Variants in FAM168A observed in about 807,000 individuals in gnomAD.
The protein encoded by FAM168A is protein FAM168A.
FAM168A carries 3 observed loss-of-function variants against 28.5 expected under a neutral mutation model. The ratio of observed to expected loss-of-function variants is 0.11; its 90% CI spans 0.05 to 0.27. The LOEUF (loss-of-function observed/expected upper bound fraction) is 0.27. Among genes scored for constraint, FAM168A ranks in the 10% least tolerant of loss-of-function variants. The pLI is 1.00. For missense variants in FAM168A, 222 were observed against 311.5 expected (o/e 0.71, Z 2.16); for synonymous variants, 122 against 124.2 (o/e 0.98, Z 0.12).
rs982045815 is a variant in FAM168A at position 73,406,038 on chromosome 11, G to C, written c.*725C>G. 9.8e-5 allele frequency: 15 copies of C among 152,614 alleles called. No homozygotes were observed. The highest frequency in any genetic ancestry group is 3.6e-4 in the African/African-American group (15 of 41,438). The allele number at this position is 152,614 out of a possible 1,614,324, so 9.5% of individuals were successfully genotyped here. On this transcript the variant is annotated 3_prime_UTR_variant, in exon 8 of 8. Transcript: ENST00000356467. ...TCCAGGGCCAGATGCTTTGGCCAGA[G>C]ACCTTTCAAACCAAAGCCATGAGGC...
intron 1 of FAM168A, among the ~76,000 whole-genome samples, chr11:73,503,374 C>CAAATCATG (rs1330490921): frequency 6.6e-6 from 1 of 152,040 alleles, no homozygotes; most frequent in Non-Finnish European, 1.5e-5. Context: ...AGCAGAAAGC[C>CAAATCATG]AAATCATGAA....
chr11:73,433,909 T>C (rs1867043499), intron 2 of FAM168A, among the ~76,000 whole-genome samples: 1 of 144,406 alleles, frequency 6.9e-6, no homozygotes, highest in Admixed American at 7.1e-5. Flanking sequence ...GCAGTGGCGC[T>C]GTATTGGCTC....
chr11:73,569,678 C>T (rs1944063153), intron 1 of FAM168A, among the ~76,000 whole-genome samples: 1 of 151,848 alleles, frequency 6.6e-6, no homozygotes, highest in African/African-American at 2.4e-5. Flanking sequence ...AAAAATTAGC[C>T]GGGCGTGGTG....
chr11:73,518,807 G>T (rs1943337271), intron 1 of FAM168A, among the ~76,000 whole-genome samples: 1 of 152,170 alleles, frequency 6.6e-6, no homozygotes, highest in African/African-American at 2.4e-5. Context: ...TGAGGCAGGA[G>T]AATTGCTTGA....
chr11:73,583,227 C>T (rs185708969), intron 1 of FAM168A, among the ~76,000 whole-genome samples: 7 of 152,186 alleles, frequency 4.6e-5, no homozygotes, highest in African/African-American at 1.7e-4. Flanking sequence ...TACTTGAACC[C>T]AGGAGGCAGA....
rs777648746 is a variant in FAM168A at position 73,409,385 on chromosome 11, A to T, written c.595+102T>A. Reference sequence around the variant, plus strand: ...GGGTTCCCAAGCCCCCTGGCACAGGATCTCTTGTGCTGTGCTGCAGCCAAT... The same window carrying T: ...GGGTTCCCAAGCCCCCTGGCACAGGTTCTCTTGTGCTGTGCTGCAGCCAAT... On this transcript the variant is annotated intron_variant, in intron 6 of 7. Transcript: ENST00000356467. 267 of 1,455,060 alleles carry T rather than the reference A, an allele frequency of 1.8e-4. 4 individuals carry two copies. In the Middle Eastern group the frequency reaches 4.9e-3, roughly 27 times the overall value. 90.1% of individuals were successfully genotyped at this position (1,455,060 alleles called of 1,614,324 possible). A position where few individuals can be genotyped will look rare whatever the true frequency, so the allele number is the denominator to read the frequency against.
intron 2 of FAM168A, among the ~76,000 whole-genome samples, chr11:73,460,160 G>A (rs770595593): frequency 1.3e-5 from 2 of 151,994 alleles, no homozygotes; most frequent in African/African-American, 2.4e-5. Flanking sequence ...GATTACAGGC[G>A]TGAGCCACCG....
chr11:73,432,755 A>T (rs1414920844), intron 2 of FAM168A, among the ~76,000 whole-genome samples: 1 of 152,092 alleles, frequency 6.6e-6, no homozygotes, highest in Non-Finnish European at 1.5e-5. Flanking sequence ...CTACTAAAAA[A>T]ATAACAAAAA....
intron 1 of FAM168A, among the ~76,000 whole-genome samples, chr11:73,512,799 T>C (rs1042831299): frequency 6.6e-6 from 1 of 152,054 alleles, no homozygotes; most frequent in African/African-American, 2.4e-5. Context: ...GCTAGACAGA[T>C]AGAAACACAG....
chr11:73,481,455 G>C (rs750742303), intron 1 of FAM168A, among the ~76,000 whole-genome samples: 5 of 152,104 alleles, frequency 3.3e-5, no homozygotes, highest in Non-Finnish European at 7.3e-5. Context: ...CTCTGAAGCA[G>C]AATTATAATT....
chr11:73,442,895 G>A (rs764941769), intron 2 of FAM168A, among the ~76,000 whole-genome samples: 16 of 135,632 alleles, frequency 1.2e-4, no homozygotes, highest in Non-Finnish European at 1.9e-4. Flanking sequence ...GGAAAGGAGA[G>A]GAAGTGACAG....
At chr11:73,517,630 T>C (rs564732540) in intron 1 of FAM168A, among the ~76,000 whole-genome samples, 11 of 152,262 alleles carry the variant, frequency 7.2e-5, no homozygotes, top group African/African-American at 2.6e-4. Flanking sequence ...AAATAAATAC[T>C]TCTGTCTCTT....
At chr11:73,547,097 A>G (rs573187591) in intron 1 of FAM168A, among the ~76,000 whole-genome samples, 39 of 151,152 alleles carry the variant, frequency 2.6e-4, no homozygotes, top group African/African-American at 4.1e-4. Flanking sequence ...AAAAAAAAAA[A>G]AAAGAAAGAA....
chr11:73,543,196 C>T (rs1331045509), intron 1 of FAM168A, among the ~76,000 whole-genome samples: 1 of 151,926 alleles, frequency 6.6e-6, no homozygotes, highest in South Asian at 2.1e-4. Context: ...ACTGCTGTAT[C>T]CCCGGAGCTA....
intron 1 of FAM168A, among the ~76,000 whole-genome samples, chr11:73,517,237 A>T (rs1590828051): frequency 6.6e-6 from 1 of 152,220 alleles, no homozygotes; most frequent in African/African-American, 2.4e-5. Flanking sequence ...TTTTGTAGAG[A>T]CATTGTCATG....
chr11:73,501,222 T>TA (rs982370214), intron 1 of FAM168A, among the ~76,000 whole-genome samples: 12 of 152,208 alleles, frequency 7.9e-5, no homozygotes, highest in African/African-American at 2.9e-4. Flanking sequence ...CAAAGATACT[T>TA]AGACTACCAC....
chr11:73,572,611 C>G (rs1944116410), intron 1 of FAM168A, among the ~76,000 whole-genome samples: 1 of 149,738 alleles, frequency 6.7e-6, no homozygotes, highest in Non-Finnish European at 1.5e-5. Context: ...TGTGCTGTGT[C>G]CACTCAGGGT....
At chr11:73,445,613 A>G (rs1867298095) in intron 2 of FAM168A, among the ~76,000 whole-genome samples, 1 of 151,910 alleles carries the variant, frequency 6.6e-6, no homozygotes, top group Non-Finnish European at 1.5e-5. Flanking sequence ...TGTTGTTTCC[A>G]GAGACTTTGT....
intron 2 of FAM168A, among the ~76,000 whole-genome samples, chr11:73,449,295 A>G (rs931345375): frequency 3.9e-5 from 6 of 152,232 alleles, no homozygotes; most frequent in Non-Finnish European, 7.3e-5. Flanking sequence ...CAAGTCTTCC[A>G]GTAGCATATT....
Sources: gnomAD v4.1 joint callset for allele counts (sites outside exome capture counted in the v4.1 genomes callset) on GRCh38, gnomAD v4.1.1 for gene constraint, MANE v1.5 for transcripts, NCBI Gene and HGNC (gene_info 2026-07-23, HGNC 2026-07-21) for gene names.